Variants in ANO6 observed in about 807,000 individuals in gnomAD.
ANO6 encodes anoctamin-6.
ANO6 carries 106 observed loss-of-function variants against 117.5 expected under a neutral mutation model. That is an observed-to-expected ratio of 0.90 (90% CI 0.77 to 1.06). The LOEUF (loss-of-function observed/expected upper bound fraction) is 1.06, where lower values mean the gene tolerates loss of function less well. ANO6 is among the 50% of genes least tolerant of loss of function. ANO6 has a pLI of 0.00. For missense variants in ANO6, 955 were observed against 1,121.1 expected, an observed-to-expected ratio of 0.85 and a Z score of 2.12; for synonymous variants, 367 against 385.1, an observed-to-expected ratio of 0.95 and a Z score of 0.55.
At chr12:45,424,622 C>T (rs1943454098) in intron 19 of ANO6, among the ~76,000 whole-genome samples, 1 of 151,980 alleles carries the variant, frequency 6.6e-6, no homozygotes, top group Non-Finnish European at 1.5e-5. Context: ...TAGGCATGAG[C>T]CACTGCGCCC....
chr12:45,363,029 T>A (rs1175617888), intron 8 of ANO6, among the ~76,000 whole-genome samples: 2 of 152,180 alleles, frequency 1.3e-5, no homozygotes, highest in African/African-American at 4.8e-5. Context: ...TACTGTCATG[T>A]GTCTATTTAA....
At chr12:45,320,948 T>A (rs4489808) in intron 2 of ANO6, among the ~76,000 whole-genome samples, 12 of 151,894 alleles carry the variant, frequency 7.9e-5, no homozygotes, top group Admixed American at 2.0e-4. Flanking sequence ...AACCCCTGCC[T>A]TTTTTTGTTT....
chr12:45,366,323 A>G (rs1941684880), intron 8 of ANO6, among the ~76,000 whole-genome samples: 1 of 151,788 alleles, frequency 6.6e-6, no homozygotes. Context: ...TTTCTTGTTT[A>G]TGCAATTCTC....
intron 13 of ANO6, among the ~76,000 whole-genome samples, chr12:45,402,541 C>A (rs987695927): frequency 6.6e-6 from 1 of 152,170 alleles, no homozygotes; most frequent in Non-Finnish European, 1.5e-5. Flanking sequence ...ACACTGCATA[C>A]GTCTGAGTCG....
At chr12:45,281,308 A>T (rs1273608059) in intron 1 of ANO6, among the ~76,000 whole-genome samples, 1 of 152,172 alleles carries the variant, frequency 6.6e-6, no homozygotes, top group East Asian at 1.9e-4. Flanking sequence ...CTTCTTTAAA[A>T]ATCATTGGTC....
At chr12:45,236,179 A>T (rs1331719903) in intron 1 of ANO6, among the ~76,000 whole-genome samples, 1 of 152,212 alleles carries the variant, frequency 6.6e-6, no homozygotes, top group Admixed American at 6.5e-5. Flanking sequence ...GGTAACCTGT[A>T]GAGTTTATTG....
At chr12:45,285,612 C>A (rs1010126395) in intron 1 of ANO6, among the ~76,000 whole-genome samples, 1 of 151,956 alleles carries the variant, frequency 6.6e-6, no homozygotes, top group Non-Finnish European at 1.5e-5. Context: ...ACCTGTAGTC[C>A]CAGCTACTCA....
At chr12:45,313,603 G>A (rs1348473364) in intron 2 of ANO6, 1 of 151,996 alleles carries the variant, frequency 6.6e-6, no homozygotes, top group Non-Finnish European at 1.5e-5. Flanking sequence ...AAATCAGAGT[G>A]TGTTGGTATC....
chr12:45,381,658 CT>C (rs1942171734), intron 10 of ANO6, among the ~76,000 whole-genome samples: 1 of 152,164 alleles, frequency 6.6e-6, no homozygotes, highest in Non-Finnish European at 1.5e-5. Context: ...AGGGGTTTTC[CT>C]TCAAGGCTGA....
At chr12:45,242,148 T>C (rs992556834) in intron 1 of ANO6, among the ~76,000 whole-genome samples, 1 of 152,246 alleles carries the variant, frequency 6.6e-6, no homozygotes, top group Non-Finnish European at 1.5e-5. Context: ...TTCTGCTGCC[T>C]TTTGTTCAGC....
chr12:45,370,378 A>C (rs1306885585), intron 9 of ANO6, among the ~76,000 whole-genome samples: 4 of 152,222 alleles, frequency 2.6e-5, no homozygotes, highest in African/African-American at 9.6e-5. Context: ...ACTGATCTTG[A>C]CATTGGCAGT....
At position 45,405,043 on chromosome 12, in the gene ANO6, C is replaced by T. The variant is rs142108777; in HGVS notation, c.1880+1507C>T. 6.0e-3 allele frequency among the ~76,000 whole-genome samples: 909 copies of T among 152,180 alleles called. 6 individuals are homozygous for T. Among genetic ancestry groups the T allele is most frequent in the African/African-American group, 0.02 (817 of 41,542 alleles). On this transcript the variant is annotated intron_variant, in intron 15 of 19. Coordinates refer to ENST00000320560, the MANE Select transcript of ANO6 (RefSeq NM_001025356.3). ...GGTCTTTCTCTAAACAAAGATCTCT[C>T]TCCTTCCTCTTCCCCCACCCAGAAA...
chr12:45,369,035 C>T (rs1240139401), intron 9 of ANO6, among the ~76,000 whole-genome samples: 1 of 152,154 alleles, frequency 6.6e-6, no homozygotes, highest in African/African-American at 2.4e-5. Flanking sequence ...ATATTCTTTG[C>T]CAGCTGACAT....
chr12:45,436,076 A>C (rs1022073790), downstream of ANO6, among the ~76,000 whole-genome samples: 1 of 152,156 alleles, frequency 6.6e-6, no homozygotes, highest in Non-Finnish European at 1.5e-5. Flanking sequence ...AACCTAAACA[A>C]CACCTCTCTA....
intron 16 of ANO6, among the ~76,000 whole-genome samples, chr12:45,410,151 G>A (rs1218246046): frequency 6.6e-6 from 1 of 152,242 alleles, no homozygotes. Context: ...CCTGGAGTCC[G>A]TGCAGGCACA....
chr12:45,421,132 C>T lies in ANO6; in HGVS notation c.2279C>T (p.Ser760Phe). Residue 760 changes from serine to phenylalanine, a missense_variant, in exon 18 of 20, where the codon TCC (serine) becomes TTC (phenylalanine). Transcript: ENST00000320560. ...IPRLVYYWSF[S>F]VPPYGDHTSY... is the part of the protein sequence containing the mutation. ...CGCCTAGTGTACTACTGGTCCTTCT[C>T]CGTCCCTCCCTACGGGGACCACACT... 6.2e-7 allele frequency: 1 copy of T among 1,614,080 alleles called. No homozygotes were observed. The highest frequency in any genetic ancestry group is 1.1e-5 in the South Asian group (1 of 91,072).
chr12:45,261,383 G>A (rs1018632598), intron 1 of ANO6, among the ~76,000 whole-genome samples: 3 of 152,212 alleles, frequency 2.0e-5, no homozygotes, highest in South Asian at 4.1e-4. Context: ...TCTAAAGAGG[G>A]GAAAGGAAGG....
intron 16 of ANO6, among the ~76,000 whole-genome samples, chr12:45,413,371 T>C (rs912199841): frequency 2.6e-5 from 4 of 152,160 alleles, no homozygotes; most frequent in Non-Finnish European, 5.9e-5. Flanking sequence ...CAGGAGACCA[T>C]ATATGCAGGG....
At chr12:45,342,244 C>T (rs183714986) in intron 3 of ANO6, among the ~76,000 whole-genome samples, 14 of 152,270 alleles carry the variant, frequency 9.2e-5, no homozygotes. Context: ...GTTGTAGCCT[C>T]AGTTTAGAAA....
Sources: allele counts gnomAD v4.1 joint callset (sites outside exome capture counted in the v4.1 genomes callset), GRCh38; gene constraint gnomAD v4.1.1; transcripts MANE v1.5; gene names NCBI Gene and HGNC (gene_info 2026-07-23, HGNC 2026-07-21).